Variants in NSD2 observed in about 807,000 individuals in gnomAD.
The protein encoded by NSD2 is histone-lysine N-methyltransferase NSD2.
Under a neutral mutation model 139.0 loss-of-function variants are expected in NSD2, and 12 were observed. The ratio of observed to expected loss-of-function variants is 0.09; its 90% confidence interval spans 0.06 to 0.14. The LOEUF (loss-of-function observed/expected upper bound fraction) is 0.14. Among genes scored for constraint, NSD2 ranks in the 10% least tolerant of loss-of-function variants. The probability of loss-of-function intolerance (pLI) is 1.00; values close to 1 mark genes in which losing one functional copy is unlikely to be tolerated. For synonymous variants in NSD2, 669 were observed against 648.7 expected (o/e 1.03, Z -0.48); for missense variants, 1,155 against 1,745.0 (o/e 0.66, Z 6.02).
At chr4:1,876,208 C>G (rs1714245820) in intron 1 of NSD2, among the ~76,000 whole-genome samples, 1 of 151,458 alleles carries the variant, frequency 6.6e-6, no homozygotes, top group Admixed American at 6.6e-5. Context: ...AGCAAGACCC[C>G]TGTCTCAAAA....
intron 1 of NSD2, among the ~76,000 whole-genome samples, chr4:1,881,966 G>A (rs1244956265): frequency 1.3e-5 from 2 of 152,174 alleles, no homozygotes; most frequent in African/African-American, 4.8e-5. Flanking sequence ...AAGCTGGTGT[G>A]GCTGGAGCAG....
At chr4:1,951,308 C>G (rs1268949706) in intron 10 of NSD2, 105 bp downstream of exon 10, 2 of 1,466,720 alleles carry the variant, frequency 1.4e-6, no homozygotes, top group Non-Finnish European at 1.9e-6. Flanking sequence ...AGACCCCTTC[C>G]CCAATCTCAC....
chr4:1,901,590 CTT>C (rs778821237), intron 2 of NSD2, among the ~76,000 whole-genome samples: 10 of 152,260 alleles, frequency 6.6e-5, no homozygotes, highest in Non-Finnish European at 1.2e-4. Context: ...AGGCTACACT[CTT>C]TTCATGGATC....
In NSD2 at chr4:1,900,937, G is replaced by A. The variant is rs1717079386; in HGVS notation, c.283G>A (p.Asp95Asn). 6 of 1,614,006 alleles carry A rather than the reference G, an allele frequency of 3.7e-6. No homozygotes were observed. The highest frequency in any genetic ancestry group is 5.1e-6 in the Non-Finnish European group (6 of 1,180,034). ...RVFNGEPGAH[D>N]AKLRFESQEM... ...GTTTAATGGAGAACCCGGCGCACAC[G>A]ATGCCAAACTGCGTTTTGAGTCCCA... The change falls in exon 2 of 22, where the codon GAT becomes AAT. Residue 95 changes from aspartate (D) to asparagine (N), a missense_variant. Coordinates refer to ENST00000508803, the MANE Select transcript of NSD2 (RefSeq NM_001042424.3).
At chr4:1,904,993 G>A (rs1371074332) in intron 3 of NSD2, among the ~76,000 whole-genome samples, 1 of 152,128 alleles carries the variant, frequency 6.6e-6, no homozygotes, top group Non-Finnish European at 1.5e-5. Flanking sequence ...AGCCGGACGT[G>A]GTGGTGCACG....
chr4:1,951,445 CA>C lies in NSD2; in HGVS notation c.2013+243del, dbSNP rs1724226813. Among the ~76,000 whole-genome samples, 931 of 99,608 alleles carry C rather than the reference CA, an allele frequency of 9.3e-3. 289 individuals carry two copies. The highest frequency in any genetic ancestry group is 0.021 in the East Asian group (60 of 2,804). The allele number at this position is 99,608 out of a possible 152,430, so 65.3% of individuals were successfully genotyped here. A position where few individuals can be genotyped will look rare whatever the true frequency, so the allele number is the denominator to read the frequency against. ...AGATTTGTATACACATCATGTAATA[CA>C]CACACACACACACACACACACACAC... On this transcript the variant is annotated intron_variant, in intron 10 of 21. Transcript: ENST00000508803.
intron 19 of NSD2, 93 bp from the exon 20 acceptor site, chr4:1,975,201 T>C (rs754004432): frequency 1.4e-6 from 2 of 1,426,652 alleles, no homozygotes; most frequent in South Asian, 1.2e-5. Context: ...ACAAAAATAA[T>C]AAGAGTATTT....
At chr4:1,945,702 C>T in intron 9 of NSD2, 1 of 1,063,458 alleles carries the variant, frequency 9.4e-7, no homozygotes, top group Non-Finnish European at 1.1e-6. Context: ...TCGTTTGATC[C>T]AGTTGAGTTG....
chr4:1,953,987 A>ATT (rs750322460), intron 12 of NSD2, among the ~76,000 whole-genome samples: 1 of 133,262 alleles, frequency 7.5e-6, no homozygotes. Context: ...ATTTTTGTAA[A>ATT]TTTTTTTTTT....
chr4:1,872,589 T>TGAGAGA (rs1246397052), intron 1 of NSD2, among the ~76,000 whole-genome samples: 155 of 44,330 alleles, frequency 3.5e-3, no homozygotes, highest in African/African-American at 7.6e-3. Context: ...TGTGTGTGTG[T>TGAGAGA]GTGAGAGAGA....
intron 1 of NSD2, among the ~76,000 whole-genome samples, chr4:1,886,211 T>A (rs528278405): frequency 1.6e-4 from 24 of 151,496 alleles, no homozygotes; most frequent in Admixed American, 1.3e-3. Flanking sequence ...TTCCTTTTTT[T>A]CTTTTTTCTT....
chr4:1,945,570 G>C, intron 9 of NSD2: 7 of 1,065,524 alleles, frequency 6.6e-6, no homozygotes, highest in Non-Finnish European at 8.0e-6. Context: ...GCTCTTGCCA[G>C]AAGCCTGATG....
intron 9 of NSD2, chr4:1,940,550 TTAC>T: frequency 9.4e-7 from 1 of 1,064,556 alleles, no homozygotes; most frequent in Non-Finnish European, 1.1e-6. Context: ...TTTTTAGGGA[TTAC>T]CTTCATAGAG....
intron 12 of NSD2, among the ~76,000 whole-genome samples, chr4:1,954,359 TC>T (rs1470235603): frequency 6.6e-6 from 1 of 152,050 alleles, no homozygotes; most frequent in Non-Finnish European, 1.5e-5. Flanking sequence ...AGGCCACTGC[TC>T]TGACCTCTTT....
intron 3 of NSD2, 139 bp downstream of exon 3, chr4:1,904,517 T>A: frequency 1.1e-6 from 1 of 880,022 alleles, no homozygotes; most frequent in Non-Finnish European, 1.7e-6. Flanking sequence ...AGTGATTGAT[T>A]CAAGTGTGAT....
At chr4:1,950,858 C>T (rs1048988374) in intron 9 of NSD2, among the ~76,000 whole-genome samples, 4 of 152,076 alleles carry the variant, frequency 2.6e-5, no homozygotes, top group African/African-American at 4.8e-5. Flanking sequence ...GAATAAAGTC[C>T]GTTTTTGAAT....
intron 5 of NSD2, among the ~76,000 whole-genome samples, chr4:1,924,921 T>C (rs1344531008): frequency 6.6e-6 from 1 of 152,164 alleles, no homozygotes; most frequent in Non-Finnish European, 1.5e-5. Context: ...AGCGAGACCC[T>C]GTCAAAGCAA....
rs563237190 is a variant in NSD2, at chr4:1,942,210, A to G, written c.1881+2432A>G. ...ACTACATCACCCTGAGGAAGAGAAT[A>G]AATTAAAATTACACACTTGCATGAC... On this transcript the variant is annotated intron_variant, in intron 9 of 21. Coordinates refer to ENST00000508803, the MANE Select transcript of NSD2 (RefSeq NM_001042424.3). This position sits in a 1 kb window ranked among gnomAD's most constrained non-coding sequence, Gnocchi z 4.0. 5.7e-5 allele frequency: 84 copies of G among 1,486,696 alleles called. No homozygotes were observed. The South Asian group carries it at 1.1e-3, about 20-fold the overall frequency. 92.1% of individuals were successfully genotyped at this position (1,486,696 alleles called of 1,614,324 possible).
chr4:1,891,387 T>C (rs1308265136), intron 1 of NSD2, among the ~76,000 whole-genome samples: 1 of 152,220 alleles, frequency 6.6e-6, no homozygotes, highest in African/African-American at 2.4e-5. Context: ...TGGAGCTTGG[T>C]CCGTCTCACG....
Sources: allele counts gnomAD v4.1 joint callset (sites outside exome capture counted in the v4.1 genomes callset), GRCh38; gene constraint gnomAD v4.1.1; non-coding constraint Gnocchi (gnomAD v3.1); transcripts MANE v1.5; gene names NCBI Gene and HGNC (gene_info 2026-07-23, HGNC 2026-07-21).